Variants in AGBL5 observed in about 807,000 individuals in gnomAD.
AGBL5 encodes the protein AGBL carboxypeptidase 5, also known as cytosolic carboxypeptidase-like protein 5.
Under a neutral mutation model 88.0 loss-of-function variants are expected in AGBL5, and 51 were observed. That is an observed-to-expected ratio of 0.58 (90% CI 0.46 to 0.73). The LOEUF is 0.73. Among genes scored for constraint, AGBL5 ranks in the 30% least tolerant of loss-of-function variants. The pLI is 0.00. For missense variants in AGBL5, 1,031 were observed against 1,162.2 expected (o/e 0.89, Z 1.64); for synonymous variants, 446 against 438.8 (o/e 1.02, Z -0.21).
intron 13 of AGBL5, 91 bp downstream of exon 13, chr2:27,068,835 T>C (rs1669124491): frequency 1.3e-6 from 2 of 1,555,236 alleles, no homozygotes; most frequent in Non-Finnish European, 1.7e-6. Context: ...TGCTCAGCAC[T>C]GCTTTACTGC....
intron 7 of AGBL5, 164 bp from the exon 8 acceptor site, chr2:27,056,459 C>T: frequency 1.4e-6 from 1 of 699,232 alleles, no homozygotes; most frequent in Non-Finnish European, 2.3e-6. Context: ...TTCCCAACAC[C>T]TAGAAGTAAT....
upstream of AGBL5, chr2:27,051,456 G>C (rs915540215): frequency 1.3e-5 from 2 of 152,166 alleles, no homozygotes; most frequent in African/African-American, 4.8e-5. Flanking sequence ...TATCTTTCCC[G>C]CCTCCCGGCA....
At chr2:27,050,864 C>T (rs928346652), upstream of AGBL5, 6 of 152,196 alleles carry the variant, frequency 3.9e-5, no homozygotes, top group East Asian at 1.9e-4. Flanking sequence ...GATTCCGGCT[C>T]GAAGGACTTC....
In AGBL5 at chr2:27,058,449, C is replaced by T. The variant is rs765173040; in HGVS notation, c.1721C>T (p.Pro574Leu). The change falls in exon 10 of 15, where the codon CCG becomes CTG. Residue 574 changes from proline to leucine, a missense_variant. Pro to Leu is a moderately conservative substitution (Grantham distance 98). Coordinates refer to ENST00000360131, the MANE Select transcript of AGBL5 (RefSeq NM_021831.6). ...IAALDMAECN[P>L]WPRIVLSEHS... ...GCCCTGGACATGGCGGAATGTAATC[C>T]GTGGCCCCGAATTGTACTGTCAGAG... The T allele has an allele frequency of 7.4e-6, 12 of 1,613,786 alleles. No homozygotes were observed. Among genetic ancestry groups the T allele is most frequent in the South Asian group, 1.1e-5 (1 of 91,074 alleles).
intron 11 of AGBL5, 175 bp downstream of exon 11, chr2:27,059,579 T>A: frequency 7.0e-7 from 1 of 1,438,594 alleles, no homozygotes. Context: ...GCGGCATGAT[T>A]CCAGAGCGGT....
intron 9 of AGBL5, 50 bp from the exon 10 acceptor site, chr2:27,058,350 A>T (rs1385705090): frequency 6.2e-7 from 1 of 1,605,774 alleles, no homozygotes; most frequent in African/African-American, 1.3e-5. Flanking sequence ...CCAAGGTAGC[A>T]GCCTGGATGG....
At position 27,057,294 on chromosome 2, in the gene AGBL5, A is replaced by G. The variant is rs1464379918; in HGVS notation, c.1536-9A>G. 4.3e-6 allele frequency: 7 copies of G among 1,609,222 alleles called. No homozygotes were observed. The Admixed American group carries it at 1.2e-4, about 27-fold the overall frequency. ...AGGCGGGACACTGATAAAGGTCTTT[A>G]TGTCTTAGCTACACACTTGAATGCA... On this transcript the variant is annotated splice_polypyrimidine_tract_variant and intron_variant, in intron 8 of 14. Coordinates refer to ENST00000360131, the MANE Select transcript of AGBL5 (RefSeq NM_021831.6).
upstream of AGBL5, chr2:27,050,984 A>C (rs1024730159): frequency 1.3e-5 from 2 of 152,270 alleles, no homozygotes; most frequent in Admixed American, 1.3e-4. Flanking sequence ...GGAACACCGT[A>C]GTATGTAGTA....
rs897124117 is a variant in AGBL5, at chr2:27,069,382, T to G, written c.2356-191T>G. On this transcript the variant is annotated intron_variant, in intron 13 of 14. Coordinates refer to ENST00000360131, the MANE Select transcript of AGBL5 (RefSeq NM_021831.6). ...CCCCTAGTTATAGACTTGGAGTGCA[T>G]AGTCATGGACTGAATCCAGGACTTC... is the stretch of plus-strand genomic sequence containing the variant. 8.1e-6 allele frequency: 8 copies of G among 985,332 alleles called. No homozygotes were observed. In the African/African-American group the frequency reaches 1.4e-4, roughly 17 times the overall value. The allele number at this position is 985,332 out of a possible 1,614,324, so 61.0% of individuals were successfully genotyped here.
chr2:27,063,560 A>G (rs1438198839), intron 11 of AGBL5, among the ~76,000 whole-genome samples: 3 of 147,864 alleles, frequency 2.0e-5, no homozygotes, highest in Non-Finnish European at 4.4e-5. Context: ...GCGCTACTGC[A>G]CTCCAACCTG....
At position 27,056,771 on chromosome 2, in the gene AGBL5, A is replaced by C. The variant is rs1334705910; in HGVS notation, c.1514A>C (p.Lys505Thr). 6.2e-7 allele frequency: 1 copy of C among 1,612,338 alleles called. No individual in the cohort carries two copies. Among genetic ancestry groups the C allele is most frequent in the Non-Finnish European group, 8.5e-7 (1 of 1,178,956 alleles). Reference protein sequence around the residue: ...KEGSGRVAIYKASGIIHSYTL... With the variant: ...KEGSGRVAIYTASGIIHSYTL... ...GGAAGCGGCCGTGTTGCAATCTACA[A>C]AGCCTCAGGGATAATCCACAGGTTG... is the stretch of plus-strand genomic sequence containing the variant. Residue 505 changes from lysine to threonine, a missense_variant, in exon 8 of 15, where the codon AAA becomes ACA. Lys to Thr is a moderately conservative substitution (Grantham distance 78). Around this residue, in one of 2 missense-constraint regions of AGBL5, gnomAD observed 540 missense variants for 678.2 expected, o/e 0.80. Transcript: ENST00000360131.
At chr2:27,054,178 A>T in intron 4 of AGBL5, 119 bp downstream of exon 4, 3 of 1,271,240 alleles carry the variant, frequency 2.4e-6, no homozygotes, top group Non-Finnish European at 1.1e-6. Context: ...TTCTGTACAG[A>T]ATGTACAGAC....
rs547014807 is a variant in AGBL5, at chr2:27,069,390, G to A, written c.2356-183G>A. 3.0e-6 allele frequency: 3 copies of A among 985,402 alleles called. No homozygotes were observed. In the African/African-American group the frequency reaches 5.2e-5, roughly 17 times the overall value. 61.0% of individuals were successfully genotyped at this position (985,402 alleles called of 1,614,324 possible). A position where few individuals can be genotyped will look rare whatever the true frequency, so the allele number is the denominator to read the frequency against. Reference sequence around the variant, plus strand: ...TATAGACTTGGAGTGCATAGTCATGGACTGAATCCAGGACTTCTCTGGCTA... The same window carrying A: ...TATAGACTTGGAGTGCATAGTCATGAACTGAATCCAGGACTTCTCTGGCTA... On this transcript the variant is annotated intron_variant, in intron 13 of 14. Transcript: ENST00000360131.
rs746607000 is a variant in AGBL5, at chr2:27,057,377, G to A, written c.1610G>A (p.Arg537His). 57 of 1,613,882 alleles carry A rather than the reference G, an allele frequency of 3.5e-5. 1 individual carries two copies. Among genetic ancestry groups the A allele is most frequent in the Non-Finnish European group, 2.7e-5 (32 of 1,179,950 alleles). Residue 537 changes from arginine to histidine, a missense_variant, in exon 9 of 15, where the codon CGT (arginine) becomes CAT (histidine). Transcript: ENST00000360131. ...CCTGCTGCCTGCCATGACAATGGGC[G>A]TGCCAGCCCCCCTCCCCCGCCGGCT... ...SIPAACHDNGRASPPPPPAFP... is the reference protein window; with the variant it reads ...SIPAACHDNGHASPPPPPAFP...
At chr2:27,051,239 G>A (rs1008566943), upstream of AGBL5, among the ~76,000 whole-genome samples, 3 of 152,184 alleles carry the variant, frequency 2.0e-5, no homozygotes, top group African/African-American at 7.2e-5. Context: ...ATGGTAGAGC[G>A]CTCGCTTAGC....
rs146009281 is a variant in AGBL5 at position 27,058,450 on chromosome 2, G to A, written c.1722G>A (p.Pro574=). ...IAALDMAECN[P]WPRIVLSEHS... is the part of the protein sequence containing the mutation. ...CCCTGGACATGGCGGAATGTAATCC[G>A]TGGCCCCGAATTGTACTGTCAGAGC... The change falls in exon 10 of 15, where the codon CCG becomes CCA. Residue 574 remains proline, a synonymous_variant. Transcript: ENST00000360131. 5.8e-5 allele frequency: 94 copies of A among 1,613,810 alleles called. No homozygotes were observed. The highest frequency in any genetic ancestry group is 7.1e-5 in the Non-Finnish European group (84 of 1,180,056).
Position 27,055,946 on chromosome 2 carries a change from AACAGAGCCAGCAGAAC to A in AGBL5, c.1175_1190del (p.Thr392ArgfsTer71), listed in dbSNP as rs780953495. ...GGCATAACGCTGAAGCCTGGAAACAAACAGAGCCAGCAGAACAGAAGCTCAACAGTGTGTGGATTAT... is the reference window on the plus strand; with the variant it reads ...GGCATAACGCTGAAGCCTGGAAACAAAGAAGCTCAACAGTGTGTGGATTAT... On this transcript the variant is annotated frameshift_variant, in exon 7 of 15. Coordinates refer to ENST00000360131, the MANE Select transcript of AGBL5 (RefSeq NM_021831.6). LOFTEE classifies it high-confidence loss of function. 6.2e-7 allele frequency: 1 copy of A among 1,614,238 alleles called. No homozygotes were observed.
rs760360747 is a variant in AGBL5, at chr2:27,055,692, C to G, written c.919C>G (p.Arg307Gly). 1 of 1,613,040 alleles carries G rather than the reference C, an allele frequency of 6.2e-7. No homozygotes were observed. Among genetic ancestry groups the G allele is most frequent in the Non-Finnish European group, 8.5e-7 (1 of 1,179,338 alleles). ...VVRGHYRTDS[R>G]GVNLNRQYLK... ...CTTGTTTTCCTACAGCACAGACTCA[C>G]GTGGAGTGAATCTGAACCGTCAGTA... The change falls in exon 7 of 15, where the codon CGT becomes GGT. Residue 307 changes from arginine (R) to glycine (G), a missense_variant. By Grantham distance (125) the Arg-to-Gly change is moderately radical (BLOSUM62 -2). This residue lies in a region of AGBL5 where 540 missense variants were observed against 678.2 expected (regional missense o/e 0.80). Coordinates refer to ENST00000360131, the MANE Select transcript of AGBL5 (RefSeq NM_021831.6).
At chr2:27,065,650 TAATTA>T (rs1375386443) in intron 11 of AGBL5, among the ~76,000 whole-genome samples, 2 of 152,178 alleles carry the variant, frequency 1.3e-5, no homozygotes, top group Admixed American at 6.5e-5. Context: ...CATACTAACT[TAATTA>T]AACAGAAACC....
Sources: gnomAD v4.1 joint callset for allele counts (sites outside exome capture counted in the v4.1 genomes callset) on GRCh38, gnomAD v4.1.1 for gene constraint, gnomAD v4.1.1 regional missense constraint, MANE v1.5 for transcripts, NCBI Gene and HGNC (gene_info 2026-07-23, HGNC 2026-07-21) for gene names.